CAMK2G: variants seen among roughly 807,000 people sequenced by gnomAD.
The protein encoded by CAMK2G is calcium/calmodulin dependent protein kinase II gamma.
Under a neutral mutation model 88.7 loss-of-function variants are expected in CAMK2G, and 23 were observed. The observed-to-expected ratio is 0.26, with a 90% confidence interval of 0.19 to 0.37. The LOEUF (loss-of-function observed/expected upper bound fraction) is 0.37. Among genes scored for constraint, CAMK2G ranks in the 10% least tolerant of loss-of-function variants. CAMK2G has a pLI of 1.00. For synonymous variants in CAMK2G, 263 were observed against 294.8 expected, an observed-to-expected ratio of 0.89 and a Z score of 1.11; for missense variants, 476 against 780.8, an observed-to-expected ratio of 0.61 and a Z score of 4.65.
intron 10 of CAMK2G, among the ~76,000 whole-genome samples, chr10:73,843,503 T>C (rs1484230159): frequency 1.3e-5 from 2 of 152,168 alleles, no homozygotes; most frequent in Admixed American, 6.5e-5. Flanking sequence ...TTTCAGAATA[T>C]AGTGATGTCC....
intron 14 of CAMK2G, among the ~76,000 whole-genome samples, chr10:73,829,439 C>T (rs1406393735): frequency 6.6e-6 from 1 of 151,764 alleles, no homozygotes; most frequent in Non-Finnish European, 1.5e-5. Context: ...GGATTACAGG[C>T]GCCCGCCACC....
chr10:73,814,983 C>A lies in CAMK2G; in HGVS notation c.*12+20G>T, dbSNP rs2084948379. On this transcript the variant is annotated intron_variant, in intron 22 of 22. Transcript: ENST00000423381. ...TATCCCAGGCCCTTCCAGCCCCTCTCCCCCGTCAACCAGGTGCACCTGTGG... is the reference window on the plus strand; with the variant it reads ...TATCCCAGGCCCTTCCAGCCCCTCTACCCCGTCAACCAGGTGCACCTGTGG... 4 of 1,536,026 alleles carry A rather than the reference C, an allele frequency of 2.6e-6. No homozygotes were observed. The highest frequency in any genetic ancestry group is 1.4e-5 in the African/African-American group (1 of 73,510).
intron 3 of CAMK2G, among the ~76,000 whole-genome samples, chr10:73,857,838 C>T (rs991027010): frequency 1.3e-5 from 2 of 152,194 alleles, no homozygotes; most frequent in African/African-American, 4.8e-5. Flanking sequence ...GTGCCTTACA[C>T]CCAAACAGGC....
intron 19 of CAMK2G, chr10:73,818,746 C>T (rs1263358117): frequency 2.2e-6 from 1 of 456,138 alleles, no homozygotes; most frequent in South Asian, 1.5e-5. Flanking sequence ...TGTGCACCCA[C>T]AACACACACA....
At chr10:73,844,168 C>T (rs189284871) in intron 10 of CAMK2G, among the ~76,000 whole-genome samples, 10 of 152,044 alleles carry the variant, frequency 6.6e-5, no homozygotes, top group Middle Eastern at 3.4e-3. Flanking sequence ...TAATGGCTTA[C>T]TGCAACCTCC....
chr10:73,860,792 C>T, intron 3 of CAMK2G, 38 bp downstream of exon 3: 1 of 1,524,466 alleles, frequency 6.6e-7, no homozygotes. Flanking sequence ...CCTGCTTCTA[C>T]AAAATACCCA....
At chr10:73,855,107 CCCTGCCT>C (rs2094929554) in intron 3 of CAMK2G, among the ~76,000 whole-genome samples, 1 of 152,042 alleles carries the variant, frequency 6.6e-6, no homozygotes, top group Non-Finnish European at 1.5e-5. Flanking sequence ...AGCGCCAGGC[CCCTGCCT>C]TCCTCCCATA....
intron 15 of CAMK2G, among the ~76,000 whole-genome samples, chr10:73,827,238 G>A (rs2091240371): frequency 1.3e-5 from 2 of 152,250 alleles, no homozygotes; most frequent in African/African-American, 2.4e-5. Context: ...CCAGGCTGGA[G>A]CGCAGTGGCG....
chr10:73,837,864 G>A (rs1053491183), intron 13 of CAMK2G, among the ~76,000 whole-genome samples: 3 of 152,168 alleles, frequency 2.0e-5, no homozygotes, highest in Non-Finnish European at 4.4e-5. Flanking sequence ...AAGAGTGAGG[G>A]CTCCATCCCT....
In CAMK2G at chr10:73,817,454, C is replaced by CA. The variant is rs112344092; in HGVS notation, c.1439+24dup. On this transcript the variant is annotated intron_variant, in intron 20 of 22. Coordinates refer to ENST00000423381, the MANE Select transcript of CAMK2G (RefSeq NM_001367534.1). ...AGGCCTTGGGAGATGACTTAGGTCA[C>CA]AAAAAAAAATGGGTCTCTACTTACG... 2.1e-3 allele frequency: 3,100 copies of CA among 1,462,748 alleles called. 1 individual carries two copies. Among genetic ancestry groups the CA allele is most frequent in the African/African-American group, 0.013 (895 of 71,468 alleles). The allele number at this position is 1,462,748 out of a possible 1,614,324, so 90.6% of individuals were successfully genotyped here.
chr10:73,874,343 C>T lies in CAMK2G; in HGVS notation c.65+54G>A, dbSNP rs1161343108. Reference sequence around the variant, plus strand: ...AGGGCCGGGGGGCGGGGCGAGAAGCCGCATAGCTCCCGGGCGGCAGGGCAG... The same window carrying T: ...AGGGCCGGGGGGCGGGGCGAGAAGCTGCATAGCTCCCGGGCGGCAGGGCAG... On this transcript the variant is annotated intron_variant, in intron 1 of 22. Transcript: ENST00000423381. The T allele has an allele frequency of 9.4e-6, 12 of 1,274,594 alleles. No homozygotes were observed. In the East Asian group the frequency reaches 1.5e-4, roughly 16 times the overall value. The allele number at this position is 1,274,594 out of a possible 1,614,324, so 79.0% of individuals were successfully genotyped here. A position where few individuals can be genotyped will look rare whatever the true frequency, so the allele number is the denominator to read the frequency against.
At chr10:73,823,216 C>T (rs1190891512) in intron 17 of CAMK2G, among the ~76,000 whole-genome samples, 1 of 151,722 alleles carries the variant, frequency 6.6e-6, no homozygotes, top group African/African-American at 2.4e-5. Context: ...TAGATTTTAT[C>T]TTATTTATTT....
chr10:73,841,792 G>A (rs907885508), intron 12 of CAMK2G: 4 of 185,720 alleles, frequency 2.2e-5, no homozygotes, highest in African/African-American at 9.5e-5. Context: ...TTTGGCAATT[G>A]AGAAGACTCA....
chr10:73,873,264 C>A, intron 1 of CAMK2G, 181 bp from the exon 2 acceptor site: 1 of 1,153,166 alleles, frequency 8.7e-7, no homozygotes, highest in Non-Finnish European at 1.2e-6. Flanking sequence ...GCGGCCACCG[C>A]AGGACACTGA....
intron 18 of CAMK2G, among the ~76,000 whole-genome samples, chr10:73,821,155 T>G (rs1183574847): frequency 2.0e-5 from 3 of 152,034 alleles, no homozygotes; most frequent in Non-Finnish European, 4.4e-5. Context: ...GACAAGGTCT[T>G]GCTATGTTGC....
At chr10:73,874,070 C>T (rs1467534633) in intron 1 of CAMK2G, among the ~76,000 whole-genome samples, 1 of 146,372 alleles carries the variant, frequency 6.8e-6, no homozygotes, top group African/African-American at 2.5e-5. Context: ...GAGTGAGCAA[C>T]CGGGCAGCGT....
At chr10:73,835,694 G>A (rs1319883078) in intron 14 of CAMK2G, among the ~76,000 whole-genome samples, 3 of 100,900 alleles carry the variant, frequency 3.0e-5, no homozygotes, top group Non-Finnish European at 7.3e-5. Flanking sequence ...TGCCTGATAA[G>A]ACTGATCCAA....
At chr10:73,847,433 T>A in intron 9 of CAMK2G, 86 bp from the exon 10 acceptor site, 1 of 1,409,834 alleles carries the variant, frequency 7.1e-7, no homozygotes, top group Non-Finnish European at 9.9e-7. Context: ...TCAACTCCTG[T>A]AATTGGGATA....
At chr10:73,826,723 A>G (rs2091062568) in intron 15 of CAMK2G, among the ~76,000 whole-genome samples, 1 of 152,230 alleles carries the variant, frequency 6.6e-6, no homozygotes, top group Non-Finnish European at 1.5e-5. Flanking sequence ...ATACATCGAC[A>G]GCTAGAATGT....
Sources: gnomAD v4.1 joint callset for allele counts (sites outside exome capture counted in the v4.1 genomes callset) on GRCh38, gnomAD v4.1.1 for gene constraint, MANE v1.5 for transcripts, NCBI Gene and HGNC (gene_info 2026-07-23, HGNC 2026-07-21) for gene names.